The following PCDH15 variants were observed in gnomAD, a reference collection of about 807,000 sequenced individuals.
PCDH15 encodes protocadherin-15.
PCDH15 carries 129 observed loss-of-function variants against 178.5 expected under a neutral mutation model. That is an observed-to-expected ratio of 0.72 (90% confidence interval 0.63 to 0.84). PCDH15 has a LOEUF of 0.84. Among genes scored for constraint, PCDH15 ranks in the 40% least tolerant of loss-of-function variants. The pLI is 0.00. For synonymous variants in PCDH15, 800 were observed against 732.0 expected (o/e 1.09, Z -1.50); for missense variants, 2,230 against 2,099.9 (o/e 1.06, Z -1.21).
intron 1 of PCDH15, among the ~76,000 whole-genome samples, chr10:54,763,787 T>C (rs1295485787): frequency 6.7e-6 from 1 of 148,156 alleles, no homozygotes; most frequent in Non-Finnish European, 1.5e-5. Context: ...ATATACTATA[T>C]AAATATGTAC....
chr10:53,903,872 G>A (rs1050731027), intron 25 of PCDH15, among the ~76,000 whole-genome samples: 6 of 152,088 alleles, frequency 3.9e-5, no homozygotes, highest in East Asian at 1.9e-4. Flanking sequence ...AACAGTGTTC[G>A]GGTGAGGTGT....
At chr10:53,970,594 T>C (rs1444494989) in intron 21 of PCDH15, among the ~76,000 whole-genome samples, 1 of 151,784 alleles carries the variant, frequency 6.6e-6, no homozygotes, top group East Asian at 1.9e-4. Flanking sequence ...CAATAAAAAA[T>C]GATAAAGGGG....
At chr10:54,105,101 G>A (rs975112283) in intron 15 of PCDH15, among the ~76,000 whole-genome samples, 4 of 150,440 alleles carry the variant, frequency 2.7e-5, no homozygotes, top group African/African-American at 7.3e-5. Context: ...AGCATTTTTT[G>A]ATCTAATCAT....
chr10:55,015,430 A>G (rs955451649), intron 2 of PCDH15, among the ~76,000 whole-genome samples: 5 of 151,966 alleles, frequency 3.3e-5, no homozygotes, highest in Admixed American at 1.3e-4. Context: ...ATAAAACACA[A>G]TCAACCCACT....
At chr10:54,621,219 TATTTC>T (rs1172086396) in intron 2 of PCDH15, among the ~76,000 whole-genome samples, 2 of 152,002 alleles carry the variant, frequency 1.3e-5, no homozygotes, top group African/African-American at 2.4e-5. Context: ...AGGATTATTT[TATTTC>T]AAGTAAATGA....
chr10:54,263,013 C>T (rs1194633809), intron 8 of PCDH15, among the ~76,000 whole-genome samples: 1 of 147,102 alleles, frequency 6.8e-6, no homozygotes, highest in Non-Finnish European at 1.5e-5. Flanking sequence ...CATTGTGGCA[C>T]TGCCCTGCCT....
intron 1 of PCDH15, among the ~76,000 whole-genome samples, chr10:54,791,687 C>A (rs1951428828): frequency 6.6e-6 from 1 of 151,932 alleles, no homozygotes; most frequent in African/African-American, 2.4e-5. Context: ...ATCTCTCTCT[C>A]TACTTCATAT....
chr10:54,231,144 G>C (rs750369424), intron 9 of PCDH15, among the ~76,000 whole-genome samples: 5 of 152,192 alleles, frequency 3.3e-5, no homozygotes, highest in Non-Finnish European at 5.9e-5. Flanking sequence ...CATAGGCCTT[G>C]AGACTTAGGA....
chr10:54,712,591 C>A (rs190233662), intron 1 of PCDH15, among the ~76,000 whole-genome samples: 248 of 152,050 alleles, frequency 1.6e-3, no homozygotes, highest in African/African-American at 5.8e-3. Context: ...TTGATGGGTG[C>A]ACCCTGTTCT....
chr10:55,425,915 TCTTA>T (rs754737626), intron 2 of PCDH15, among the ~76,000 whole-genome samples: 6 of 152,176 alleles, frequency 3.9e-5, no homozygotes, highest in Non-Finnish European at 5.9e-5. Flanking sequence ...CTATATTTGC[TCTTA>T]CTAACTGAAA....
intron 1 of PCDH15, among the ~76,000 whole-genome samples, chr10:55,314,749 A>C (rs926508752): frequency 2.0e-5 from 3 of 152,174 alleles, no homozygotes; most frequent in Non-Finnish European, 2.9e-5. Context: ...ACGTTTTTCC[A>C]CATCTAAGTT....
intron 2 of PCDH15, among the ~76,000 whole-genome samples, chr10:54,974,397 A>G (rs1315394054): frequency 2.0e-5 from 3 of 151,928 alleles, no homozygotes; most frequent in Non-Finnish European, 4.4e-5. Context: ...TCACTAAGAA[A>G]GCTCTATTTA....
intron 3 of PCDH15, among the ~76,000 whole-genome samples, chr10:54,851,420 T>C (rs1464637806): frequency 1.3e-5 from 2 of 152,156 alleles, no homozygotes; most frequent in Non-Finnish European, 2.9e-5. Context: ...TTTGAGATAT[T>C]GACAAAGTAA....
At chr10:53,821,248 G>A in intron 32 of PCDH15, 1 of 984,228 alleles carries the variant, frequency 1.0e-6, no homozygotes, top group Non-Finnish European at 1.2e-6. Flanking sequence ...TAAGATAAAA[G>A]CAAGTCAGAG....
intron 13 of PCDH15, among the ~76,000 whole-genome samples, chr10:54,162,235 G>A (rs567107973): frequency 6.6e-6 from 1 of 151,792 alleles, no homozygotes; most frequent in African/African-American, 2.4e-5. Context: ...TTGATTATTT[G>A]TTTCTTTCTT....
chr10:54,118,426 C>G (rs547340007), intron 15 of PCDH15, among the ~76,000 whole-genome samples: 1 of 152,162 alleles, frequency 6.6e-6, no homozygotes, highest in East Asian at 1.9e-4. Context: ...TTTGAGAGGC[C>G]AAGGAGGGCG....
intron 2 of PCDH15, among the ~76,000 whole-genome samples, chr10:55,073,577 A>T (rs148574684): frequency 6.6e-6 from 1 of 152,116 alleles, no homozygotes; most frequent in Non-Finnish European, 1.5e-5. Context: ...TTTTACATCT[A>T]TCTTCATCAG....
intron 2 of PCDH15, among the ~76,000 whole-genome samples, chr10:55,334,687 C>G (rs1401928272): frequency 6.6e-6 from 1 of 152,002 alleles, no homozygotes; most frequent in East Asian, 1.9e-4. Flanking sequence ...GATTCTTAAA[C>G]TGAGACTCTG....
At chr10:55,508,959 C>CAAAAA (rs1840819700) in intron 2 of PCDH15, among the ~76,000 whole-genome samples, 1 of 150,886 alleles carries the variant, frequency 6.6e-6, no homozygotes, top group African/African-American at 2.4e-5. Context: ...CAAAGCAAAA[C>CAAAAA]AAAACAAAAC....
Sources: allele counts gnomAD v4.1 joint callset (sites outside exome capture counted in the v4.1 genomes callset), GRCh38; gene constraint gnomAD v4.1.1; transcripts MANE v1.5; gene names NCBI Gene and HGNC (gene_info 2026-07-23, HGNC 2026-07-21).